TRMT9B: variants seen among roughly 807,000 people sequenced by gnomAD.
TRMT9B encodes the protein tRNA methyltransferase 9B (putative), also known as probable tRNA methyltransferase 9B.
In TRMT9B, 16 loss-of-function variants were observed where a neutral mutation model predicts 11.5. That is an observed-to-expected ratio of 1.39 (90% CI 0.94 to 2.11). The LOEUF is 2.11. Among genes scored for constraint, TRMT9B ranks in the 30% most tolerant of loss-of-function variants. The pLI, the probability that TRMT9B is intolerant of heterozygous loss-of-function variation, is 0.00. For synonymous variants in TRMT9B, 274 were observed against 192.4 expected, an observed-to-expected ratio of 1.42 and a Z score of -3.51; for missense variants, 941 against 553.8, an observed-to-expected ratio of 1.70 and a Z score of -7.02.
At chr8:12,974,279 T>C (rs1264991166) in intron 1 of TRMT9B, among the ~76,000 whole-genome samples, 1 of 151,684 alleles carries the variant, frequency 6.6e-6, no homozygotes, top group Non-Finnish European at 1.5e-5. Flanking sequence ...GAGTGAAGGA[T>C]GCAACAAGAG....
intron 1 of TRMT9B, among the ~76,000 whole-genome samples, chr8:12,959,732 T>G (rs943622701): frequency 2.0e-5 from 3 of 152,010 alleles, no homozygotes; most frequent in Non-Finnish European, 4.4e-5. Flanking sequence ...AAAGGCTACT[T>G]TGCCCAGGCT....
At chr8:12,951,723 C>A (rs1191301045) in intron 1 of TRMT9B, 1 of 151,784 alleles carries the variant, frequency 6.6e-6, no homozygotes, top group Admixed American at 6.6e-5. Context: ...GGGACGGTGA[C>A]GGGGGCGGGG....
intron 1 of TRMT9B, among the ~76,000 whole-genome samples, chr8:12,984,223 A>G (rs181842953): frequency 4.6e-5 from 7 of 152,348 alleles, no homozygotes; most frequent in Non-Finnish European, 8.8e-5. Flanking sequence ...CTTGGGTCTC[A>G]TCTCTAAGAA....
intron 2 of TRMT9B, among the ~76,000 whole-genome samples, chr8:13,002,079 A>C (rs1004444759): frequency 6.6e-6 from 1 of 152,246 alleles, no homozygotes; most frequent in African/African-American, 2.4e-5. Context: ...AGAAAAACAA[A>C]ATAGATTTAT....
At chr8:12,996,002 G>A (rs1000984291) in intron 2 of TRMT9B, among the ~76,000 whole-genome samples, 8 of 152,128 alleles carry the variant, frequency 5.3e-5, no homozygotes, top group African/African-American at 1.9e-4. Context: ...GTCTTAACGA[G>A]TAACAGTAAC....
chr8:12,995,425 A>G (rs1490547011), intron 2 of TRMT9B, among the ~76,000 whole-genome samples: 3 of 152,136 alleles, frequency 2.0e-5, no homozygotes, highest in East Asian at 3.8e-4. Flanking sequence ...TCTGTTCTTT[A>G]TACATATTAA....
intron 2 of TRMT9B, among the ~76,000 whole-genome samples, chr8:12,996,734 A>T (rs79596176): frequency 0.015 from 2,351 of 152,306 alleles, 56 homozygotes; most frequent in African/African-American, 0.053. Context: ...CAAAGTGCAT[A>T]TATCATAAAT....
chr8:12,959,480 C>G (rs1402883545), intron 1 of TRMT9B, among the ~76,000 whole-genome samples: 1 of 51,714 alleles, frequency 1.9e-5, no homozygotes, highest in Non-Finnish European at 6.0e-5. Flanking sequence ...TTGTATTTTC[C>G]TCTCCTCTCC....
chr8:12,949,628 T>G (rs1417283685), intron 1 of TRMT9B, among the ~76,000 whole-genome samples: 1 of 152,212 alleles, frequency 6.6e-6, no homozygotes, highest in Admixed American at 6.5e-5. Context: ...CATGTCATAG[T>G]TCACAAGTCT....
chr8:12,996,095 T>A (rs1243148668), intron 2 of TRMT9B, among the ~76,000 whole-genome samples: 1 of 152,208 alleles, frequency 6.6e-6, no homozygotes, highest in African/African-American at 2.4e-5. Context: ...TCATGTAGCC[T>A]CCTTCCTGGA....
intron 1 of TRMT9B, among the ~76,000 whole-genome samples, chr8:12,970,600 G>A (rs1042028263): frequency 6.6e-5 from 10 of 152,230 alleles, no homozygotes; most frequent in Non-Finnish European, 1.3e-4. Flanking sequence ...GGCTTGCAAT[G>A]TATTCAAATG....
At position 12,966,174 on chromosome 8, in the gene TRMT9B, G is replaced by GA. The variant is rs561087508; in HGVS notation, c.-200+20215dup. On this transcript the variant is annotated intron_variant, in intron 1 of 4. Transcript: ENST00000524591. ...GACCCCCCCCATCTCTACAGAAAGT[G>GA]AAAAAAACAGTAGCCTGGCATGGTG... Among the ~76,000 whole-genome samples the GA allele has an allele frequency of 1.8e-4, 27 of 151,932 alleles. No homozygotes were observed. In the East Asian group the frequency reaches 4.3e-3, roughly 24 times the overall value.
At chr8:13,016,654 G>C (rs1812769103) in intron 4 of TRMT9B, among the ~76,000 whole-genome samples, 2 of 151,672 alleles carry the variant, frequency 1.3e-5, no homozygotes, top group South Asian at 2.1e-4. Flanking sequence ...TTTTGGAATA[G>C]TCTGATAAAC....
chr8:12,953,897 A>C (rs957885999), intron 1 of TRMT9B, among the ~76,000 whole-genome samples: 2 of 152,198 alleles, frequency 1.3e-5, no homozygotes, highest in African/African-American at 4.8e-5. Context: ...TTATTAACGC[A>C]TTTGATCAGA....
At chr8:12,985,875 T>A (rs944278111) in intron 1 of TRMT9B, among the ~76,000 whole-genome samples, 1 of 152,152 alleles carries the variant, frequency 6.6e-6, no homozygotes, top group African/African-American at 2.4e-5. Flanking sequence ...AATTTAATTT[T>A]TTTGAGATGG....
At chr8:13,011,473 A>T in intron 3 of TRMT9B, 1 of 984,916 alleles carries the variant, frequency 1.0e-6, no homozygotes. Context: ...CAGGTAGAAA[A>T]ATTTCATCAG....
In TRMT9B at chr8:12,986,653, T is replaced by C. The variant is rs532044951; in HGVS notation, c.-199-4181T>C. Among the ~76,000 whole-genome samples the C allele has an allele frequency of 8.5e-4, 129 of 152,378 alleles. 1 individual carries two copies. The highest frequency in any genetic ancestry group is 6.8e-3 in the Middle Eastern group (2 of 294). On this transcript the variant is annotated intron_variant, in intron 1 of 4. Coordinates refer to ENST00000524591, the MANE Select transcript of TRMT9B (RefSeq NM_020844.3). The stretch of plus-strand genomic sequence containing the variant: ...TTTATATATGGCCATTACTAAAGTT[T>C]CCTTTGCTTTACCTTGTATTCTTTC...
intron 2 of TRMT9B, among the ~76,000 whole-genome samples, chr8:12,996,466 C>A (rs1022777145): frequency 2.6e-5 from 4 of 152,200 alleles, no homozygotes; most frequent in African/African-American, 9.6e-5. Context: ...TCTCTCAGCA[C>A]TTTCTGTATA....
In TRMT9B at chr8:12,953,399, G is replaced by A. The variant is rs186670971; in HGVS notation, c.-200+7433G>A. Among the ~76,000 whole-genome samples, 696 of 152,150 alleles carry A rather than the reference G, an allele frequency of 4.6e-3. 6 individuals carry two copies. Among genetic ancestry groups the A allele is most frequent in the African/African-American group, 0.015 (640 of 41,504 alleles). On this transcript the variant is annotated intron_variant, in intron 1 of 4. Coordinates refer to ENST00000524591, the MANE Select transcript of TRMT9B (RefSeq NM_020844.3). Reference sequence around the variant, plus strand: ...GAGCCTCACTCTATCGCCTAGGCTGGGGTGCAGTGGTGCGATCTTGGCTCA... The same window carrying A: ...GAGCCTCACTCTATCGCCTAGGCTGAGGTGCAGTGGTGCGATCTTGGCTCA...
Sources: allele counts gnomAD v4.1 joint callset (sites outside exome capture counted in the v4.1 genomes callset), GRCh38; gene constraint gnomAD v4.1.1; transcripts MANE v1.5; gene names NCBI Gene and HGNC (gene_info 2026-07-23, HGNC 2026-07-21).